TMEM248: variants seen among roughly 807,000 people sequenced by gnomAD.
TMEM248 encodes UPF0458 protein C7orf42.
A neutral mutation model predicts 30.3 loss-of-function variants in TMEM248; 9 were observed. The observed-to-expected ratio is 0.30, with a 90% CI of 0.18 to 0.52. TMEM248 has a LOEUF of 0.52. Among genes scored for constraint, TMEM248 ranks in the 20% least tolerant of loss-of-function variants. The pLI is 0.97. For missense variants in TMEM248, 338 were observed against 403.3 expected (o/e 0.84, Z 1.39); for synonymous variants, 184 against 154.4 (o/e 1.19, Z -1.42).
chr7:66,953,241 A>C lies in TMEM248; in HGVS notation c.796A>C (p.Ile266Leu). ...VIVPDDDRSL[I>L]NLHLMHTSYF... ...CTTTATTTAGGATGACCGTTCATTA[A>C]TAAATTTGCATCTCATGCACACCAG... Residue 266 changes from isoleucine to leucine, a missense_variant, in exon 6 of 7, where the codon ATA becomes CTA. Ile to Leu is a conservative substitution (Grantham distance 5). Coordinates refer to ENST00000341567, the MANE Select transcript of TMEM248 (RefSeq NM_017994.5). The C allele has an allele frequency of 1.2e-6, 2 of 1,614,052 alleles. No homozygotes were observed. The highest frequency in any genetic ancestry group is 8.5e-7 in the Non-Finnish European group (1 of 1,179,996).
rs138215459 is a variant in TMEM248, at chr7:66,944,383, G to A, written c.160-593G>A. 6.0e-3 allele frequency among the ~76,000 whole-genome samples: 921 copies of A among 152,254 alleles called. 10 individuals are homozygous for A. Among genetic ancestry groups the A allele is most frequent in the African/African-American group, 0.021 (863 of 41,554 alleles). On this transcript the variant is annotated intron_variant, in intron 2 of 6. Transcript: ENST00000341567. ...GCCTCCCAAAGTGCTGGGATTACAG[G>A]TGCGAGCCACCGTACCTGGCCCCTT...
intron 2 of TMEM248, among the ~76,000 whole-genome samples, chr7:66,943,648 A>G (rs746577486): frequency 6.6e-6 from 1 of 152,048 alleles, no homozygotes; most frequent in Non-Finnish European, 1.5e-5. Flanking sequence ...TTTCAACCCT[A>G]ATGTACTAGA....
intron 1 of TMEM248, among the ~76,000 whole-genome samples, chr7:66,940,825 G>C (rs965481877): frequency 6.6e-6 from 1 of 152,218 alleles, no homozygotes; most frequent in Non-Finnish European, 1.5e-5. Flanking sequence ...ATAGAATTCA[G>C]CTTTTCAGTG....
chr7:66,950,072 T>C (rs1280225501), intron 4 of TMEM248, among the ~76,000 whole-genome samples: 1 of 152,064 alleles, frequency 6.6e-6, no homozygotes, highest in Non-Finnish European at 1.5e-5. Context: ...CTAAGTGATA[T>C]GCTTTGGGCT....
In TMEM248 at chr7:66,955,615, T is replaced by C; in HGVS notation, c.*93T>C. ...GGGCCTGGATGCTCTGTGAATACAT[T>C]ATCTTGCGATGTTGGGTTATTCCAG... On this transcript the variant is annotated 3_prime_UTR_variant, in exon 7 of 7. Transcript: ENST00000341567. The C allele has an allele frequency of 7.0e-7, 1 of 1,436,438 alleles. No homozygotes were observed. The highest frequency in any genetic ancestry group is 1.4e-5 in the African/African-American group (1 of 70,652). 89.0% of individuals were successfully genotyped at this position (1,436,438 alleles called of 1,614,324 possible). A position where few individuals can be genotyped will look rare whatever the true frequency, so the allele number is the denominator to read the frequency against.
intron 6 of TMEM248, among the ~76,000 whole-genome samples, chr7:66,954,156 C>T (rs1351585534): frequency 6.6e-6 from 1 of 151,250 alleles, no homozygotes; most frequent in African/African-American, 2.4e-5. Flanking sequence ...GTTGTCCAGG[C>T]TAGTCTCGAA....
At position 66,957,321 on chromosome 7, in the gene TMEM248, G is replaced by T. The variant is rs185786486; in HGVS notation, c.*1799G>T. The T allele has an allele frequency of 6.6e-6, 1 of 152,178 alleles. No homozygotes were observed. The highest frequency in any genetic ancestry group is 1.5e-5 in the Non-Finnish European group (1 of 68,042). The allele number at this position is 152,178 out of a possible 1,614,324, so 9.4% of individuals were successfully genotyped here. A position where few individuals can be genotyped will look rare whatever the true frequency, so the allele number is the denominator to read the frequency against. ...GCATTTTTGAATAGAAAACAGTTGC[G>T]TGCTTTTATTGAAGATTGTTAAAAT... On this transcript the variant is annotated 3_prime_UTR_variant, in exon 7 of 7. Transcript: ENST00000341567.
At chr7:66,926,056 T>C (rs1791516473) in intron 1 of TMEM248, among the ~76,000 whole-genome samples, 1 of 152,218 alleles carries the variant, frequency 6.6e-6, no homozygotes, top group Non-Finnish European at 1.5e-5. Flanking sequence ...CATTTGTTTT[T>C]CTTTGATAAA....
intron 3 of TMEM248, among the ~76,000 whole-genome samples, chr7:66,947,495 C>T (rs1048019885): frequency 3.0e-4 from 45 of 151,774 alleles, no homozygotes; most frequent in Admixed American, 5.3e-4. Flanking sequence ...CTCTGTCTCC[C>T]GGGTTCAAGC....
At chr7:66,924,350 G>A (rs533318813) in intron 1 of TMEM248, among the ~76,000 whole-genome samples, 1 of 152,194 alleles carries the variant, frequency 6.6e-6, no homozygotes, top group Non-Finnish European at 1.5e-5. Context: ...TGCTCTAGAT[G>A]ATATGACTGA....
At chr7:66,942,610 C>T (rs1791994793) in intron 2 of TMEM248, among the ~76,000 whole-genome samples, 1 of 152,202 alleles carries the variant, frequency 6.6e-6, no homozygotes, top group African/African-American at 2.4e-5. Context: ...ATTCTCCTGC[C>T]TCAGCCTCCT....
At chr7:66,942,494 A>G (rs773445843) in intron 2 of TMEM248, among the ~76,000 whole-genome samples, 1 of 152,102 alleles carries the variant, frequency 6.6e-6, no homozygotes, top group Non-Finnish European at 1.5e-5. Flanking sequence ...ATTTCCAAAT[A>G]TATTTGTTTT....
intron 1 of TMEM248, among the ~76,000 whole-genome samples, chr7:66,936,264 GA>G (rs2129222666): frequency 6.6e-6 from 1 of 152,300 alleles, no homozygotes; most frequent in South Asian, 2.1e-4. Flanking sequence ...TTTGTATCAT[GA>G]AGAGATATTT....
chr7:66,925,591 G>T (rs1265673645), intron 1 of TMEM248, among the ~76,000 whole-genome samples: 1 of 152,108 alleles, frequency 6.6e-6, no homozygotes, highest in East Asian at 1.9e-4. Context: ...AAATAGTGCT[G>T]CAGTGAACAG....
rs1477413452 is a variant in TMEM248 at position 66,958,238 on chromosome 7, A to G, written c.*2716A>G. On this transcript the variant is annotated 3_prime_UTR_variant, in exon 7 of 7. Transcript: ENST00000341567. ...TCTTAAAACGATTGTTTCGGATCAT[A>G]TTGATCTCTTTCCTTTTTCCTTTTG... is the stretch of plus-strand genomic sequence containing the variant. 1 of 152,680 alleles carries G rather than the reference A, an allele frequency of 6.5e-6. No individual in the cohort carries two copies. Among genetic ancestry groups the G allele is most frequent in the Non-Finnish European group, 1.5e-5 (1 of 68,042 alleles). 9.5% of individuals were successfully genotyped at this position (152,680 alleles called of 1,614,324 possible).
intron 5 of TMEM248, 79 bp from the exon 6 acceptor site, chr7:66,953,147 T>G: frequency 6.6e-7 from 1 of 1,505,592 alleles, no homozygotes; most frequent in Non-Finnish European, 9.0e-7. Flanking sequence ...CTGTCAATCC[T>G]GTCTCTCAAA....
chr7:66,921,753 A>T (rs1186328929), intron 1 of TMEM248: 1 of 152,094 alleles, frequency 6.6e-6, no homozygotes. Flanking sequence ...GATAATTCGG[A>T]TTTGGCACGG....
intron 4 of TMEM248, among the ~76,000 whole-genome samples, chr7:66,950,708 C>T (rs531276838): frequency 1.3e-5 from 2 of 152,280 alleles, no homozygotes; most frequent in East Asian, 3.9e-4. Flanking sequence ...GGCAAAAATC[C>T]AACACCCAAA....
At chr7:66,936,733 A>T (rs1791814195) in intron 1 of TMEM248, among the ~76,000 whole-genome samples, 1 of 152,144 alleles carries the variant, frequency 6.6e-6, no homozygotes, top group South Asian at 2.1e-4. Flanking sequence ...TAGGTTTTCC[A>T]GCCGGTGTGC....
Sources: allele counts gnomAD v4.1 joint callset (sites outside exome capture counted in the v4.1 genomes callset), GRCh38; gene constraint gnomAD v4.1.1; transcripts MANE v1.5; gene names NCBI Gene and HGNC (gene_info 2026-07-23, HGNC 2026-07-21).